The following DAO variants were observed in gnomAD, a reference collection of about 807,000 sequenced individuals.
DAO encodes the protein D-amino acid oxidase.
In DAO, 51 loss-of-function variants were observed where a neutral mutation model predicts 50.1. The ratio of observed to expected loss-of-function variants is 1.02; its 90% CI spans 0.81 to 1.29. The LOEUF (loss-of-function observed/expected upper bound fraction) is 1.29, where lower values mean the gene tolerates loss of function less well. Ranked by LOEUF, DAO falls within the 50% of genes most tolerant of loss-of-function variation. The probability of loss-of-function intolerance (pLI) is 0.00; values close to 1 mark genes in which losing one functional copy is unlikely to be tolerated. For synonymous variants in DAO, 160 were observed against 166.2 expected (o/e 0.96, Z 0.29); for missense variants, 436 against 439.4 (o/e 0.99, Z 0.07).
intron 1 of DAO, among the ~76,000 whole-genome samples, chr12:108,881,480 C>CAT (rs1380120650): frequency 7.1e-5 from 10 of 141,804 alleles, no homozygotes; most frequent in Non-Finnish European, 1.5e-4. Context: ...TTAAAACACA[C>CAT]ACACACACAC....
At chr12:108,883,381 C>T (rs1432229365) in intron 1 of DAO, among the ~76,000 whole-genome samples, 1 of 152,130 alleles carries the variant, frequency 6.6e-6, no homozygotes, top group African/African-American at 2.4e-5. Flanking sequence ...GTCCTGACCT[C>T]GTGATCCACC....
At position 108,898,867 on chromosome 12, in the gene DAO, C is replaced by T. The variant is rs150933922; in HGVS notation, c.813+71C>T. 417 of 956,430 alleles carry T rather than the reference C, an allele frequency of 4.4e-4. 1 individual carries two copies. In the African/African-American group the frequency reaches 5.8e-3, roughly 13 times the overall value. The allele number at this position is 956,430 out of a possible 1,614,324, so 59.2% of individuals were successfully genotyped here. On this transcript the variant is annotated intron_variant, in intron 9 of 10. Coordinates refer to ENST00000228476, the MANE Select transcript of DAO (RefSeq NM_001917.5). ...GCTTGGTAATGAGGACACTTCAGGA[C>T]GGGAAGATGCCACCGCTGGGATAAC...
chr12:108,890,827 T>G (rs1016221768), intron 5 of DAO, among the ~76,000 whole-genome samples: 2 of 152,188 alleles, frequency 1.3e-5, no homozygotes, highest in Non-Finnish European at 2.9e-5. Flanking sequence ...CATACCTTTT[T>G]TGTGTGTGTG....
intron 3 of DAO, among the ~76,000 whole-genome samples, chr12:108,889,249 G>A (rs969796962): frequency 1.1e-4 from 17 of 151,958 alleles, no homozygotes; most frequent in Admixed American, 3.9e-4. Context: ...AGGATTACAG[G>A]CATGCACCAC....
rs1467919211 is a variant in DAO, at chr12:108,892,981, G to C, written c.453-1G>C. On this transcript the variant is annotated splice_acceptor_variant, in intron 5 of 10. Transcript: ENST00000228476. LOFTEE classifies it high-confidence loss of function. ...CTTTTTGATGTGTTTGATCATCCCA[G>C]GTTAACTGAGAGGGGAGTGAAGTTC... 2 of 1,614,056 alleles carry C rather than the reference G, an allele frequency of 1.2e-6. No homozygotes were observed. The highest frequency in any genetic ancestry group is 1.7e-6 in the Non-Finnish European group (2 of 1,179,910).
chr12:108,900,502 G>C lies in DAO; in HGVS notation c.1011G>C (p.Lys337Asn). 1 of 1,614,146 alleles carries C rather than the reference G, an allele frequency of 6.2e-7. No individual in the cohort carries two copies. Among genetic ancestry groups the C allele is most frequent in the Non-Finnish European group, 8.5e-7 (1 of 1,179,988 alleles). Residue 337 changes from lysine to asparagine, a missense_variant, in exon 11 of 11, where the codon AAG becomes AAC. By Grantham distance (94) the Lys-to-Asn change is moderately conservative. Transcript: ENST00000228476. ...AKLFGRILEEKKLSRMPPSHL is the reference protein window; with the variant it reads ...AKLFGRILEENKLSRMPPSHL ...TCTTTGGGAGAATCCTGGAAGAAAA[G>C]AAATTGTCCAGAATGCCACCATCCC... is the stretch of plus-strand genomic sequence containing the variant.
rs766339475 is a variant in DAO, at chr12:108,889,476, C to T, written c.317C>T (p.Ser106Phe). Residue 106 changes from serine (S) to phenylalanine (F), a missense_variant, in exon 4 of 11, where the codon TCC (serine) becomes TTC (phenylalanine). Coordinates refer to ENST00000228476, the MANE Select transcript of DAO (RefSeq NM_001917.5). ...TTTGTCCTTCCTCTTCAGGACCCTT[C>T]CTGGAAGGACACAGTTCTGGGATTT... is the stretch of plus-strand genomic sequence containing the variant. ...NLFHEAIPDP[S>F]WKDTVLGFRK... The T allele has an allele frequency of 3.1e-6, 5 of 1,611,522 alleles. No homozygotes were observed. Among genetic ancestry groups the T allele is most frequent in the East Asian group, 4.5e-5 (2 of 44,760 alleles).
intron 4 of DAO, among the ~76,000 whole-genome samples, chr12:108,889,821 T>C (rs1390423135): frequency 6.6e-6 from 1 of 152,126 alleles, no homozygotes; most frequent in Non-Finnish European, 1.5e-5. Context: ...TCAGAGAGGC[T>C]AAGTGACTTC....
rs369759878 is a variant in DAO at position 108,895,363 on chromosome 12, GGGTGTGTGCATATGTGAT to G, written c.612+1007_612+1024del. 7.2e-3 allele frequency among the ~76,000 whole-genome samples: 1,068 copies of G among 148,378 alleles called. 14 individuals are homozygous for G. Among genetic ancestry groups the G allele is most frequent in the East Asian group, 0.056 (285 of 5,076 alleles). ...TGAGGGTGTGTGTGCATGTGTGTGAGGGTGTGTGCATATGTGATGGTGTGTGCACATATGTGAGGGTGT... is the reference window on the plus strand; with the variant it reads ...TGAGGGTGTGTGTGCATGTGTGTGAGGGTGTGTGCACATATGTGAGGGTGT... On this transcript the variant is annotated intron_variant, in intron 7 of 10. Coordinates refer to ENST00000228476, the MANE Select transcript of DAO (RefSeq NM_001917.5).
intron 4 of DAO, 86 bp downstream of exon 4, chr12:108,889,631 G>A: frequency 9.3e-7 from 1 of 1,070,560 alleles, no homozygotes; most frequent in Non-Finnish European, 1.4e-6. Context: ...AGAGGCACCA[G>A]ATTTCCTGTC....
At chr12:108,882,569 C>T (rs1028387578) in intron 1 of DAO, among the ~76,000 whole-genome samples, 1 of 152,110 alleles carries the variant, frequency 6.6e-6, no homozygotes, top group African/African-American at 2.4e-5. Context: ...TTAACCAACT[C>T]ATCCTGGTTT....
chr12:108,895,092 A>C (rs905558041), intron 7 of DAO, among the ~76,000 whole-genome samples: 9 of 152,196 alleles, frequency 5.9e-5, no homozygotes, highest in African/African-American at 2.2e-4. Context: ...CATCTTACAG[A>C]TGAAGAAATT....
Position 108,896,991 on chromosome 12 carries a change from G to A in DAO, c.613-15G>A, listed in dbSNP as rs1331517473. 1.2e-6 allele frequency: 2 copies of A among 1,608,014 alleles called. No individual in the cohort carries two copies. The highest frequency in any genetic ancestry group is 8.5e-7 in the Non-Finnish European group (1 of 1,174,504). ...TCACCTCCGCTGATGAGACTTTCCT[G>A]CCCTGAATCAACAGGTGGACGCCCC... is the stretch of plus-strand genomic sequence containing the variant. On this transcript the variant is annotated splice_polypyrimidine_tract_variant and intron_variant, in intron 7 of 10. Transcript: ENST00000228476.
chr12:108,886,319 C>G (rs1486306626), intron 2 of DAO, among the ~76,000 whole-genome samples: 1 of 152,134 alleles, frequency 6.6e-6, no homozygotes, highest in African/African-American at 2.4e-5. Flanking sequence ...CCCTTGCACC[C>G]AGCTGAATCT....
intron 5 of DAO, among the ~76,000 whole-genome samples, chr12:108,891,810 G>A (rs2039495047): frequency 6.6e-6 from 1 of 152,060 alleles, no homozygotes; most frequent in Non-Finnish European, 1.5e-5. Flanking sequence ...ATGTTGCCCA[G>A]GCTGGTCTCA....
chr12:108,892,981 G>A lies in DAO; in HGVS notation c.453-1G>A. On this transcript the variant is annotated splice_acceptor_variant, in intron 5 of 10. Transcript: ENST00000228476. LOFTEE classifies it high-confidence loss of function. ...CTTTTTGATGTGTTTGATCATCCCA[G>A]GTTAACTGAGAGGGGAGTGAAGTTC... The A allele has an allele frequency of 2.5e-6, 4 of 1,614,056 alleles. No individual in the cohort carries two copies. Among genetic ancestry groups the A allele is most frequent in the Non-Finnish European group, 2.5e-6 (3 of 1,179,910 alleles).
chr12:108,894,399 T>G (rs1487090687), intron 7 of DAO, 32 bp downstream of exon 7: 3 of 1,496,594 alleles, frequency 2.0e-6, no homozygotes, highest in Non-Finnish European at 2.8e-6. Context: ...CTACCTTTTG[T>G]TAATAGGAAG....
chr12:108,892,215 A>T (rs4964280), intron 5 of DAO, among the ~76,000 whole-genome samples: 55,597 of 138,086 alleles, frequency 0.4, 13,277 homozygotes, highest in African/African-American at 0.66. Flanking sequence ...CAGGCTGGAG[A>T]GCAGTGGCGC....
intron 3 of DAO, among the ~76,000 whole-genome samples, chr12:108,889,074 A>G (rs1041624669): frequency 1.3e-5 from 2 of 151,894 alleles, no homozygotes; most frequent in African/African-American, 2.4e-5. Context: ...AGTGCCTTAT[A>G]TGCACTTAGC....
Sources: gnomAD v4.1 joint callset for allele counts (sites outside exome capture counted in the v4.1 genomes callset) on GRCh38, gnomAD v4.1.1 for gene constraint, MANE v1.5 for transcripts, NCBI Gene and HGNC (gene_info 2026-07-23, HGNC 2026-07-21) for gene names.